DET1: variants seen among roughly 807,000 people sequenced by gnomAD.
The protein encoded by DET1 is DET1 homolog.
Under a neutral mutation model 43.7 loss-of-function variants are expected in DET1, and 22 were observed. The observed-to-expected ratio is 0.50, with a 90% CI of 0.36 to 0.72. The LOEUF is 0.72. DET1 is among the 30% of genes least tolerant of loss of function. The pLI is 0.00. For synonymous variants in DET1, 315 were observed against 266.2 expected, an observed-to-expected ratio of 1.18 and a Z score of -1.79; for missense variants, 713 against 713.3, an observed-to-expected ratio of 1.00 and a Z score of 0.00.
intron 3 of DET1, among the ~76,000 whole-genome samples, chr15:88,526,814 T>A (rs8034393): frequency 2.0e-5 from 3 of 152,194 alleles, no homozygotes; most frequent in African/African-American, 7.2e-5. Context: ...AAAGAAGAGA[T>A]AGTCACTTGG....
At chr15:88,505,253 G>A (rs982752268) in intron 7 of DET1, 3 of 152,152 alleles carry the variant, frequency 2.0e-5, no homozygotes, top group Non-Finnish European at 2.9e-5. Flanking sequence ...TCCAAAGGAT[G>A]GGTCAACTTC....
At chr15:88,544,423 C>G (rs951411590) in intron 1 of DET1, among the ~76,000 whole-genome samples, 5 of 152,096 alleles carry the variant, frequency 3.3e-5, no homozygotes, top group African/African-American at 1.2e-4. Context: ...AAGAGATGCC[C>G]AACTGGCAGA....
intron 3 of DET1, among the ~76,000 whole-genome samples, chr15:88,517,290 A>T (rs2056372581): frequency 7.4e-6 from 1 of 135,480 alleles, no homozygotes; most frequent in Non-Finnish European, 1.5e-5. Context: ...CAGTGGTGTG[A>T]TCTCAGCTCA....
chr15:88,507,325 G>A (rs962181366), intron 7 of DET1, among the ~76,000 whole-genome samples: 1 of 152,174 alleles, frequency 6.6e-6, no homozygotes, highest in Admixed American at 6.5e-5. Flanking sequence ...AAACTAGCAT[G>A]TCTAAAACTA....
chr15:88,510,388 C>T (rs1462089952), downstream of DET1, among the ~76,000 whole-genome samples: 4 of 152,228 alleles, frequency 2.6e-5, no homozygotes, highest in Non-Finnish European at 5.9e-5. Flanking sequence ...ACACTCCATG[C>T]TCTTTCCACT....
intron 1 of DET1, among the ~76,000 whole-genome samples, chr15:88,540,436 CT>C (rs1328013818): frequency 9.2e-5 from 14 of 151,594 alleles, no homozygotes; most frequent in Non-Finnish European, 1.5e-5. Flanking sequence ...TCTGATACCT[CT>C]GCTCAAATTC....
chr15:88,512,373 C>A (rs544383777), downstream of DET1: 14 of 985,364 alleles, frequency 1.4e-5, no homozygotes, highest in Non-Finnish European at 1.7e-5. Context: ...CCAGGAACAG[C>A]TGCTGCATCC....
In DET1 at chr15:88,545,090, T is replaced by A. The variant is rs141200590; in HGVS notation, c.-11+1450A>T. 2.0e-3 allele frequency among the ~76,000 whole-genome samples: 302 copies of A among 152,286 alleles called. 4 individuals carry two copies. Among genetic ancestry groups the A allele is most frequent in the African/African-American group, 7.1e-3 (296 of 41,540 alleles). ...TCAGTTTTTCTGCCCTGATTGGACA[T>A]GTGTAAACTTAGCCACCTACTCTGG... On this transcript the variant is annotated intron_variant, in intron 1 of 4. Transcript: ENST00000268148.
At chr15:88,519,621 T>C (rs910204236) in intron 3 of DET1, among the ~76,000 whole-genome samples, 1 of 152,172 alleles carries the variant, frequency 6.6e-6, no homozygotes, top group Non-Finnish European at 1.5e-5. Context: ...ATATCCTCTC[T>C]TCCTTCCTTC....
chr15:88,528,466 A>C (rs998406661), intron 2 of DET1, among the ~76,000 whole-genome samples: 18 of 152,246 alleles, frequency 1.2e-4, no homozygotes, highest in African/African-American at 4.1e-4. Context: ...ATGTTCTTTC[A>C]GCCAAGAGCA....
In DET1 at chr15:88,527,747, C is replaced by A. The variant is rs1016171316; in HGVS notation, c.1123G>T (p.Val375Leu). ...GATGTATTCTCAAACACAGCAATCA[C>A]CTCTGTCGTCACCATATTGTACACC... ...FVVYNMVTTE[V>L]IAVFENTSDE... is the part of the protein sequence containing the mutation. The change falls in exon 3 of 5, where the codon GTG (valine) becomes TTG (leucine). Residue 375 changes from valine to leucine, a missense_variant. Coordinates refer to ENST00000268148, the MANE Select transcript of DET1 (RefSeq NM_001144074.3). 2.5e-6 allele frequency: 4 copies of A among 1,612,708 alleles called. No individual in the cohort carries two copies. Among genetic ancestry groups the A allele is most frequent in the Admixed American group, 3.3e-5 (2 of 59,792 alleles).
intron 3 of DET1, among the ~76,000 whole-genome samples, chr15:88,523,186 CTCTTTAT>C (rs984729353): frequency 1.3e-5 from 2 of 152,096 alleles, no homozygotes; most frequent in Non-Finnish European, 2.9e-5. Flanking sequence ...TGTTTCCTTA[CTCTTTAT>C]TCTTTATTCT....
intron 1 of DET1, among the ~76,000 whole-genome samples, chr15:88,532,749 T>C (rs1183590335): frequency 6.6e-6 from 1 of 152,162 alleles, no homozygotes; most frequent in African/African-American, 2.4e-5. Flanking sequence ...TGCAAAAGAA[T>C]GAAGTCAGAC....
chr15:88,540,583 A>G (rs145985795), intron 1 of DET1, among the ~76,000 whole-genome samples: 1 of 151,904 alleles, frequency 6.6e-6, no homozygotes, highest in Non-Finnish European at 1.5e-5. Context: ...TCAGATTGTT[A>G]CTGTGTCTGT....
At chr15:88,515,589 A>G (rs2056324712) in intron 4 of DET1, among the ~76,000 whole-genome samples, 1 of 150,896 alleles carries the variant, frequency 6.6e-6, no homozygotes, top group African/African-American at 2.4e-5. Flanking sequence ...ACCAAATGCA[A>G]TGCATGAACC....
chr15:88,516,829 C>A lies in DET1; in HGVS notation c.1416G>T (p.Trp472Cys). ...DLSLFSYDDK[W>C]VSVMERPKTC... is the part of the protein sequence containing the mutation. ...TCTTGGGCCGCTCCATGACAGATAC[C>A]CACTTGTCATCATAACTGAAGAGAG... The change falls in exon 4 of 5, where the codon TGG becomes TGT. Residue 472 changes from tryptophan (W) to cysteine (C), a missense_variant. By Grantham distance (215) the Trp-to-Cys change is radical. Coordinates refer to ENST00000268148, the MANE Select transcript of DET1 (RefSeq NM_001144074.3). The surrounding 1 kb of genome is among the most constrained non-coding windows in gnomAD (Gnocchi z 4.4). The A allele has an allele frequency of 6.2e-7, 1 of 1,608,886 alleles. No homozygotes were observed. Among genetic ancestry groups the A allele is most frequent in the African/African-American group, 1.3e-5 (1 of 74,756 alleles).
intron 1 of DET1, among the ~76,000 whole-genome samples, chr15:88,533,802 G>A (rs569706820): frequency 2.3e-5 from 3 of 133,128 alleles, no homozygotes; most frequent in East Asian, 2.3e-4. Context: ...TGGACCACTT[G>A]AGCCCAGGAG....
chr15:88,544,252 C>T (rs1448042508), intron 1 of DET1, among the ~76,000 whole-genome samples: 1 of 152,110 alleles, frequency 6.6e-6, no homozygotes, highest in Non-Finnish European at 1.5e-5. Flanking sequence ...ATGAACCGCA[C>T]CCTAAAAAGA....
At chr15:88,507,249 T>G (rs1277391374) in intron 7 of DET1, among the ~76,000 whole-genome samples, 1 of 152,178 alleles carries the variant, frequency 6.6e-6, no homozygotes, top group Non-Finnish European at 1.5e-5. Context: ...ACTCCTTTCT[T>G]GAGCTCTAAA....
Sources: allele counts gnomAD v4.1 joint callset (sites outside exome capture counted in the v4.1 genomes callset), GRCh38; gene constraint gnomAD v4.1.1; non-coding constraint Gnocchi (gnomAD v3.1); transcripts MANE v1.5; gene names NCBI Gene and HGNC (gene_info 2026-07-23, HGNC 2026-07-21).